TRMT11: variants seen among roughly 807,000 people sequenced by gnomAD.
TRMT11 encodes the protein tRNA (guanine(10)-N(2))-methyltransferase TRMT11.
TRMT11 carries 53 observed loss-of-function variants against 62.8 expected under a neutral mutation model. The ratio of observed to expected loss-of-function variants is 0.84; its 90% CI spans 0.68 to 1.06. The LOEUF (loss-of-function observed/expected upper bound fraction) is 1.06, where lower values mean the gene tolerates loss of function less well. Among genes scored for constraint, TRMT11 ranks in the 50% least tolerant of loss-of-function variants. The pLI is 0.00. For synonymous variants in TRMT11, 188 were observed against 190.3 expected (o/e 0.99, Z 0.10); for missense variants, 556 against 553.4 (o/e 1.00, Z -0.05).
intron 21 of TRMT11, among the ~76,000 whole-genome samples, chr6:126,122,393 A>G (rs539926803): frequency 6.6e-6 from 1 of 152,248 alleles, no homozygotes; most frequent in South Asian, 2.1e-4. Flanking sequence ...AAGGCTAGGC[A>G]TAGAAACCAG....
chr6:126,062,469 A>G (rs1170335543), intron 17 of TRMT11, among the ~76,000 whole-genome samples: 1 of 152,234 alleles, frequency 6.6e-6, no homozygotes, highest in Admixed American at 6.5e-5. Flanking sequence ...TCATCAGAAT[A>G]TAGGTAGCCT....
chr6:126,261,729 C>T, the TRMT11 span, among the ~76,000 whole-genome samples: 29 of 152,238 alleles, frequency 1.9e-4, no homozygotes, highest in East Asian at 5.0e-3. Context: ...GATTGCCTTA[C>T]TGGTCTAGGC....
At chr6:126,044,632 A>T (rs1031985055) in intron 16 of TRMT11, among the ~76,000 whole-genome samples, 2 of 152,116 alleles carry the variant, frequency 1.3e-5, no homozygotes, top group African/African-American at 4.8e-5. Context: ...ACAATCTTGG[A>T]AGATATAGAG....
intron 21 of TRMT11, among the ~76,000 whole-genome samples, chr6:126,135,880 A>G (rs1242477726): frequency 6.6e-6 from 1 of 151,952 alleles, no homozygotes; most frequent in Non-Finnish European, 1.5e-5. Context: ...AATCAAGGAC[A>G]AAATCCATGT....
chr6:126,211,906 C>T, the TRMT11 span, among the ~76,000 whole-genome samples: 238 of 151,898 alleles, frequency 1.6e-3, no homozygotes, highest in Non-Finnish European at 2.8e-3. Flanking sequence ...TATTAGTAAC[C>T]ATCCTCTCTT....
At chr6:126,208,626 C>A (rs1778810725), downstream of TRMT11, among the ~76,000 whole-genome samples, 1 of 152,134 alleles carries the variant, frequency 6.6e-6, no homozygotes, top group Non-Finnish European at 1.5e-5. Context: ...ATGAACAATA[C>A]CTTGAAGATT....
chr6:126,004,246 C>T (rs1792988815), intron 7 of TRMT11, among the ~76,000 whole-genome samples: 1 of 151,840 alleles, frequency 6.6e-6, no homozygotes, highest in Admixed American at 6.6e-5. Context: ...TCACAGCTGT[C>T]AATATATGGA....
At chr6:126,136,956 G>T (rs1001560796) in intron 21 of TRMT11, among the ~76,000 whole-genome samples, 1 of 142,860 alleles carries the variant, frequency 7.0e-6, no homozygotes, top group African/African-American at 2.5e-5. Flanking sequence ...AAAAAAAAAA[G>T]ACCCCTACCT....
chr6:126,090,538 C>G (rs372498102), intron 17 of TRMT11, among the ~76,000 whole-genome samples: 1 of 152,066 alleles, frequency 6.6e-6, no homozygotes, highest in Non-Finnish European at 1.5e-5. Context: ...TCTCTGGAAG[C>G]AATTAGTTGA....
chr6:126,006,811 G>T (rs1488917501), intron 7 of TRMT11: 1 of 151,944 alleles, frequency 6.6e-6, no homozygotes, highest in Non-Finnish European at 1.5e-5. Flanking sequence ...AGTATCAGGT[G>T]CAGTCTAACA....
chr6:126,246,697 G>A, the TRMT11 span, among the ~76,000 whole-genome samples: 1 of 152,210 alleles, frequency 6.6e-6, no homozygotes, highest in South Asian at 2.1e-4. Flanking sequence ...GCAGAGAGCA[G>A]GGCTGTGGGA....
chr6:126,271,559 A>G, the TRMT11 span, among the ~76,000 whole-genome samples: 2 of 151,924 alleles, frequency 1.3e-5, no homozygotes, highest in Admixed American at 6.6e-5. Context: ...AATATATGTC[A>G]GGAGGAATCA....
intron 16 of TRMT11, among the ~76,000 whole-genome samples, chr6:126,047,766 C>T (rs1438573155): frequency 1.3e-5 from 2 of 152,210 alleles, no homozygotes; most frequent in Non-Finnish European, 2.9e-5. Flanking sequence ...TGCTCCCCTT[C>T]CCGTAAGGGG....
intron 21 of TRMT11, among the ~76,000 whole-genome samples, chr6:126,117,182 G>A (rs903762771): frequency 1.3e-5 from 2 of 152,064 alleles, no homozygotes; most frequent in African/African-American, 4.8e-5. Flanking sequence ...GTGTTGAGGG[G>A]AAATTCACTA....
At chr6:126,225,054 T>G in the TRMT11 span, among the ~76,000 whole-genome samples, 1 of 152,130 alleles carries the variant, frequency 6.6e-6, no homozygotes, top group Non-Finnish European at 1.5e-5. Context: ...CAGACTGGCC[T>G]CATCTCACAG....
intron 12 of TRMT11, among the ~76,000 whole-genome samples, chr6:126,031,906 G>T (rs895175660): frequency 4.6e-5 from 7 of 152,090 alleles, no homozygotes; most frequent in Non-Finnish European, 8.8e-5. Flanking sequence ...GAATAGTCAG[G>T]CAAAGATGGT....
intron 17 of TRMT11, among the ~76,000 whole-genome samples, chr6:126,093,611 A>T (rs1451435181): frequency 1.8e-3 from 163 of 89,774 alleles, no homozygotes; most frequent in African/African-American, 8.0e-3. Flanking sequence ...ATATATATAT[A>T]TATATATATA....
intron 12 of TRMT11, among the ~76,000 whole-genome samples, chr6:126,025,157 T>TC (rs1772821667): frequency 6.6e-6 from 1 of 152,206 alleles, no homozygotes; most frequent in Non-Finnish European, 1.5e-5. Context: ...TGGAAAAATT[T>TC]AAAAATTAAG....
At chr6:126,176,234 C>A (rs1447432087), upstream of TRMT11, among the ~76,000 whole-genome samples, 1 of 152,190 alleles carries the variant, frequency 6.6e-6, no homozygotes, top group Non-Finnish European at 1.5e-5. Context: ...AGCTGGCCAG[C>A]CCTGTAAACA....
Sources: gnomAD v4.1 joint callset for allele counts (sites outside exome capture counted in the v4.1 genomes callset) on GRCh38, gnomAD v4.1.1 for gene constraint, MANE v1.5 for transcripts, NCBI Gene and HGNC (gene_info 2026-07-23, HGNC 2026-07-21) for gene names.